The following SLC9A8 variants were observed in gnomAD, a reference collection of about 807,000 sequenced individuals.
SLC9A8 encodes solute carrier family 9 member A8.
Under a neutral mutation model 66.6 loss-of-function variants are expected in SLC9A8, and 48 were observed. The observed-to-expected ratio is 0.72, with a 90% CI of 0.57 to 0.92. SLC9A8 has a LOEUF of 0.92. Among genes scored for constraint, SLC9A8 ranks in the 40% least tolerant of loss-of-function variants. SLC9A8 has a pLI of 0.00. For missense variants in SLC9A8, 599 were observed against 747.3 expected (o/e 0.80, Z 2.31); for synonymous variants, 274 against 282.6 (o/e 0.97, Z 0.31).
At chr20:49,874,882 T>C (rs1167114484) in intron 11 of SLC9A8, 61 bp downstream of exon 11, 1 of 1,185,532 alleles carries the variant, frequency 8.4e-7, no homozygotes, top group Non-Finnish European at 1.3e-6. Context: ...TGCTTCCTTA[T>C]CCTGTTTGAG....
rs771838652 is a variant in SLC9A8, at chr20:49,874,696, C to G, written c.959-9C>G. 2.0e-6 allele frequency: 3 copies of G among 1,527,388 alleles called. No homozygotes were observed. Among genetic ancestry groups the G allele is most frequent in the East Asian group, 2.3e-5 (1 of 44,418 alleles). 94.6% of individuals were successfully genotyped at this position (1,527,388 alleles called of 1,614,324 possible). A position where few individuals can be genotyped will look rare whatever the true frequency, so the allele number is the denominator to read the frequency against. On this transcript the variant is annotated splice_polypyrimidine_tract_variant and intron_variant, in intron 10 of 15. Transcript: ENST00000361573. ...GCAGTGCTTTCTGTTCTGTTCTCTC[C>G]CTCTCTAGGCATCATGGCCATCCTT... is the stretch of plus-strand genomic sequence containing the variant.
chr20:49,837,765 C>T (rs1029800913), intron 3 of SLC9A8, among the ~76,000 whole-genome samples: 5 of 152,020 alleles, frequency 3.3e-5, no homozygotes, highest in African/African-American at 1.2e-4. Context: ...GACTGTATTT[C>T]ACTGTGTTGG....
chr20:49,847,382 CTT>C (rs11334417), intron 5 of SLC9A8, among the ~76,000 whole-genome samples: 281 of 113,896 alleles, frequency 2.5e-3, no homozygotes, highest in Non-Finnish European at 3.5e-3. Flanking sequence ...TTTTTCTTTT[CTT>C]TTTTTTTTTT....
Position 49,890,411 on chromosome 20 carries a change from A to T in SLC9A8, c.*2475A>T, listed in dbSNP as rs1356534717. Reference sequence around the variant, plus strand: ...CTTAACTATATCTTCCTGCGTGTGTATTTATTTTCTTCTGGGTCTAGGCCA... The same window carrying T: ...CTTAACTATATCTTCCTGCGTGTGTTTTTATTTTCTTCTGGGTCTAGGCCA... On this transcript the variant is annotated 3_prime_UTR_variant, in exon 16 of 16. Transcript: ENST00000361573. 6.6e-6 allele frequency: 1 copy of T among 152,142 alleles called. No homozygotes were observed. Among genetic ancestry groups the T allele is most frequent in the African/African-American group, 2.4e-5 (1 of 41,422 alleles). 9.4% of individuals were successfully genotyped at this position (152,142 alleles called of 1,614,324 possible). A position where few individuals can be genotyped will look rare whatever the true frequency, so the allele number is the denominator to read the frequency against.
chr20:49,839,648 T>C lies in SLC9A8; in HGVS notation c.348+49T>C, dbSNP rs756742464. ...TTAATTTTAGTAACATTGATCATTA[T>C]GCTGGCTTTTTTGTAATTACTTGGC... is the stretch of plus-strand genomic sequence containing the variant. On this transcript the variant is annotated intron_variant, in intron 4 of 15. Coordinates refer to ENST00000361573, the MANE Select transcript of SLC9A8 (RefSeq NM_015266.3). 5 of 1,230,090 alleles carry C rather than the reference T, an allele frequency of 4.1e-6. No individual in the cohort carries two copies. The East Asian group carries it at 1.2e-4, about 29-fold the overall frequency. The allele number at this position is 1,230,090 out of a possible 1,614,324, so 76.2% of individuals were successfully genotyped here.
chr20:49,871,522 T>A (rs1252445114), intron 10 of SLC9A8, among the ~76,000 whole-genome samples: 1 of 152,246 alleles, frequency 6.6e-6, no homozygotes, highest in African/African-American at 2.4e-5. Flanking sequence ...CTTAAAAAAG[T>A]TATCCTGGTT....
At chr20:49,857,373 G>A (rs1268768096) in intron 8 of SLC9A8, among the ~76,000 whole-genome samples, 1 of 152,126 alleles carries the variant, frequency 6.6e-6, no homozygotes, top group Non-Finnish European at 1.5e-5. Context: ...TTCTTATGTT[G>A]GAATAAAATG....
rs1248769495 is a variant in SLC9A8 at position 49,886,245 on chromosome 20, C to G, written c.1492-507C>G. 1 of 152,498 alleles carries G rather than the reference C, an allele frequency of 6.6e-6. No homozygotes were observed. The highest frequency in any genetic ancestry group is 2.4e-5 in the African/African-American group (1 of 41,408). 9.4% of individuals were successfully genotyped at this position (152,498 alleles called of 1,614,324 possible). A position where few individuals can be genotyped will look rare whatever the true frequency, so the allele number is the denominator to read the frequency against. Reference sequence around the variant, plus strand: ...TATGACCCGAGTCCCGCCTCTTTACCTCCGTCTCTCCCCTCCACATGGGGT... The same window carrying G: ...TATGACCCGAGTCCCGCCTCTTTACGTCCGTCTCTCCCCTCCACATGGGGT... On this transcript the variant is annotated intron_variant, in intron 14 of 15. Coordinates refer to ENST00000361573, the MANE Select transcript of SLC9A8 (RefSeq NM_015266.3). This position sits in a 1 kb window ranked among gnomAD's most constrained non-coding sequence, Gnocchi z 4.8.
At chr20:49,858,433 T>C (rs897492161) in intron 8 of SLC9A8, among the ~76,000 whole-genome samples, 23 of 151,112 alleles carry the variant, frequency 1.5e-4, no homozygotes, top group African/African-American at 4.9e-5. Context: ...GAATTTTGCC[T>C]AACTTGGAGG....
intron 5 of SLC9A8, among the ~76,000 whole-genome samples, chr20:49,849,118 C>G (rs2088133736): frequency 6.6e-6 from 1 of 152,136 alleles, no homozygotes; most frequent in Admixed American, 6.5e-5. Context: ...GGAGCACAAC[C>G]TGCTCGAAGC....
chr20:49,822,878 A>G (rs2086790262), intron 2 of SLC9A8, among the ~76,000 whole-genome samples, 183 bp from the exon 3 acceptor site: 2 of 152,178 alleles, frequency 1.3e-5, no homozygotes, highest in African/African-American at 2.4e-5. Flanking sequence ...TATAATAAAC[A>G]TTGTAAATGT....
At chr20:49,865,936 G>A (rs953839375) in intron 10 of SLC9A8, among the ~76,000 whole-genome samples, 2 of 152,202 alleles carry the variant, frequency 1.3e-5, no homozygotes, top group African/African-American at 4.8e-5. Context: ...CCACAAGATG[G>A]CAGAGATTTT....
Sources: allele counts gnomAD v4.1 joint callset (sites outside exome capture counted in the v4.1 genomes callset), GRCh38; gene constraint gnomAD v4.1.1; non-coding constraint Gnocchi (gnomAD v3.1); transcripts MANE v1.5; gene names NCBI Gene and HGNC (gene_info 2026-07-23, HGNC 2026-07-21).